P3H2: variants seen among roughly 807,000 people sequenced by gnomAD.
P3H2 encodes the protein prolyl 3-hydroxylase 2.
Under a neutral mutation model 87.0 loss-of-function variants are expected in P3H2, and 80 were observed. The ratio of observed to expected loss-of-function variants is 0.92; its 90% CI spans 0.77 to 1.11. P3H2 has a LOEUF of 1.11. P3H2 is among the 50% of genes least tolerant of loss of function. The pLI is 0.00. For missense variants in P3H2, 1,001 were observed against 923.9 expected (o/e 1.08, Z -1.08); for synonymous variants, 367 against 359.3 (o/e 1.02, Z -0.24).
At chr3:189,975,731 T>G (rs1005901366) in intron 8 of P3H2, among the ~76,000 whole-genome samples, 1 of 152,184 alleles carries the variant, frequency 6.6e-6, no homozygotes, top group African/African-American at 2.4e-5. Context: ...TAAAATAGAT[T>G]AGTCAGCCTA....
chr3:190,116,950 C>T (rs1398655012), intron 1 of P3H2, among the ~76,000 whole-genome samples: 1 of 152,160 alleles, frequency 6.6e-6, no homozygotes, highest in Non-Finnish European at 1.5e-5. Context: ...TAGTGAGTAT[C>T]TGTTACCCTG....
chr3:189,958,699 C>CTTTTT (rs71175319), intron 14 of P3H2, among the ~76,000 whole-genome samples: 11 of 120,240 alleles, frequency 9.1e-5, no homozygotes, highest in Admixed American at 1.9e-4. Flanking sequence ...ATTGCTCCCT[C>CTTTTT]TTTTTTTTTT....
At chr3:189,974,722 C>T (rs1484756751) in intron 8 of P3H2, 37 bp from the exon 9 acceptor site, 1 of 1,613,938 alleles carries the variant, frequency 6.2e-7, no homozygotes. Context: ...CCTGTTACCT[C>T]TGTCCCCCGA....
chr3:190,100,944 C>T (rs936513247), intron 1 of P3H2, among the ~76,000 whole-genome samples: 2 of 152,110 alleles, frequency 1.3e-5, no homozygotes, highest in African/African-American at 4.8e-5. Context: ...CATGTCTCAA[C>T]GTTACATTTT....
At chr3:190,094,573 G>A (rs1577320659) in intron 1 of P3H2, among the ~76,000 whole-genome samples, 1 of 152,298 alleles carries the variant, frequency 6.6e-6, no homozygotes, top group Admixed American at 6.5e-5. Context: ...TGGGACAATG[G>A]TGGCCTTGGA....
At chr3:189,971,742 G>A (rs1019909388) in intron 12 of P3H2, 148 bp downstream of exon 12, 2 of 681,042 alleles carry the variant, frequency 2.9e-6, no homozygotes, top group Non-Finnish European at 5.5e-6. Flanking sequence ...CCACTTATTG[G>A]TTATGGCAGC....
intron 1 of P3H2, among the ~76,000 whole-genome samples, chr3:190,007,812 T>TG (rs1262695094): frequency 6.7e-6 from 1 of 149,300 alleles, no homozygotes; most frequent in Non-Finnish European, 1.5e-5. Flanking sequence ...CGTTCAGATT[T>TG]TTTTTTTTTT....
chr3:189,965,327 G>C (rs1482550803), intron 13 of P3H2, among the ~76,000 whole-genome samples: 1 of 152,160 alleles, frequency 6.6e-6, no homozygotes, highest in Non-Finnish European at 1.5e-5. Flanking sequence ...GAGTCGGAAA[G>C]CCAGAGAGAC....
chr3:190,047,958 C>T (rs1725857924), intron 1 of P3H2, among the ~76,000 whole-genome samples: 1 of 152,112 alleles, frequency 6.6e-6, no homozygotes. Context: ...CAAAGAAATG[C>T]TTTACCCTTG....
intron 1 of P3H2, among the ~76,000 whole-genome samples, chr3:190,087,601 C>A (rs1727267119): frequency 6.7e-6 from 1 of 150,276 alleles, no homozygotes; most frequent in South Asian, 2.1e-4. Flanking sequence ...TTATTTGGCT[C>A]TTCTTTATAA....
intron 1 of P3H2, among the ~76,000 whole-genome samples, chr3:190,110,219 G>T (rs1165238445): frequency 6.6e-6 from 1 of 152,126 alleles, no homozygotes; most frequent in African/African-American, 2.4e-5. Flanking sequence ...ACCTCCAAGT[G>T]ACATTTTGCA....
At chr3:190,031,523 G>C (rs1405496288) in intron 1 of P3H2, among the ~76,000 whole-genome samples, 2 of 151,926 alleles carry the variant, frequency 1.3e-5, no homozygotes, top group African/African-American at 4.8e-5. Context: ...TGGAATCCCA[G>C]CTACTTGGGA....
At chr3:189,963,220 G>A (rs922399217) in intron 14 of P3H2, among the ~76,000 whole-genome samples, 4 of 152,128 alleles carry the variant, frequency 2.6e-5, no homozygotes, top group African/African-American at 7.2e-5. Context: ...TGAGATCATG[G>A]TCTCCTCCTA....
At chr3:190,074,457 G>A (rs1350410174) in intron 1 of P3H2, among the ~76,000 whole-genome samples, 1 of 152,106 alleles carries the variant, frequency 6.6e-6, no homozygotes, top group Non-Finnish European at 1.5e-5. Flanking sequence ...GTTGTAGTGA[G>A]CCAAGATCGC....
At chr3:190,061,450 G>C (rs923224118) in intron 1 of P3H2, among the ~76,000 whole-genome samples, 3 of 151,910 alleles carry the variant, frequency 2.0e-5, no homozygotes, top group African/African-American at 7.3e-5. Flanking sequence ...CTCAAGGAAG[G>C]GTCCAGAATT....
At chr3:190,114,346 C>G (rs565547483) in intron 1 of P3H2, among the ~76,000 whole-genome samples, 164 of 151,032 alleles carry the variant, frequency 1.1e-3, no homozygotes, top group East Asian at 5.4e-3. Flanking sequence ...ACCACGCCCG[C>G]CTAATTTCTT....
intron 1 of P3H2, among the ~76,000 whole-genome samples, chr3:190,011,683 A>G (rs1724594533): frequency 6.6e-6 from 1 of 152,240 alleles, no homozygotes. Context: ...AAGACTCCAG[A>G]TAAACTATGG....
chr3:189,999,208 T>C (rs1560355702), intron 1 of P3H2, among the ~76,000 whole-genome samples: 1 of 152,226 alleles, frequency 6.6e-6, no homozygotes, highest in Non-Finnish European at 1.5e-5. Flanking sequence ...ACAAACTGGG[T>C]CCTTTTCTCA....
At position 189,957,513 on chromosome 3, in the gene P3H2, T is replaced by C; in HGVS notation, c.*399A>G. The C allele has an allele frequency of 2.5e-6, 1 of 395,042 alleles. No individual in the cohort carries two copies. Among genetic ancestry groups the C allele is most frequent in the East Asian group, 4.8e-5 (1 of 21,022 alleles). The allele number at this position is 395,042 out of a possible 1,614,324, so 24.5% of individuals were successfully genotyped here. On this transcript the variant is annotated 3_prime_UTR_variant, in exon 15 of 15. Transcript: ENST00000319332. ...AGGAGGTGAACTGGGCTTTGATAGA[T>C]ACATGAAATGATGAAAAACCAAGAA...
Sources: gnomAD v4.1 joint callset for allele counts (sites outside exome capture counted in the v4.1 genomes callset) on GRCh38, gnomAD v4.1.1 for gene constraint, MANE v1.5 for transcripts, NCBI Gene and HGNC (gene_info 2026-07-23, HGNC 2026-07-21) for gene names.